Variants in ZNF646 observed in about 807,000 individuals in gnomAD.
The protein encoded by ZNF646 is zinc finger protein 646.
Under a neutral mutation model 115.4 loss-of-function variants are expected in ZNF646, and 49 were observed. The observed-to-expected ratio is 0.42, with a 90% CI of 0.34 to 0.54. The LOEUF (loss-of-function observed/expected upper bound fraction) is 0.54, where lower values mean the gene tolerates loss of function less well. ZNF646 is among the 20% of genes least tolerant of loss of function. The pLI is 0.04. For synonymous variants in ZNF646, 933 were observed against 939.0 expected, an observed-to-expected ratio of 0.99 and a Z score of 0.12; for missense variants, 2,269 against 2,457.9, an observed-to-expected ratio of 0.92 and a Z score of 1.62.
At position 31,076,431 on chromosome 16, in the gene ZNF646, A is replaced by C; in HGVS notation, c.107A>C (p.Gln36Pro). 6.2e-7 allele frequency: 1 copy of C among 1,613,386 alleles called. No homozygotes were observed. The change falls in exon 2 of 3, where the codon CAG (glutamine) becomes CCG (proline). Residue 36 changes from glutamine (Q) to proline (P), a missense_variant. Around this residue, in one of 5 missense-constraint regions of ZNF646, gnomAD observed 334 missense variants for 323.5 expected, o/e 1.03. Coordinates refer to ENST00000300850, the MANE Select transcript of ZNF646 (RefSeq NM_014699.4). Reference sequence around the variant, plus strand: ...GAACTGCTCCATCCATCTCCCAACCAGGACAGTGAGGAGGCTGACAGCATC... The same window carrying C: ...GAACTGCTCCATCCATCTCCCAACCCGGACAGTGAGGAGGCTGACAGCATC... ...HRELLHPSPNQDSEEADSIPR... is the reference protein window; with the variant it reads ...HRELLHPSPNPDSEEADSIPR...
chr16:31,080,460 T>G lies in ZNF646; in HGVS notation c.4136T>G (p.Leu1379Trp). ...CGCAGCTTCCCTGGCCGGGGATCTT[T>G]GGAGCGGCACCTGCGGGAGCATGAG... ...CGRSFPGRGS[L>W]ERHLREHEET... Residue 1379 changes from leucine to tryptophan, a missense_variant, in exon 2 of 3, where the codon TTG becomes TGG. Transcript: ENST00000300850. 3.7e-6 allele frequency: 6 copies of G among 1,613,384 alleles called. No individual in the cohort carries two copies. Among genetic ancestry groups the G allele is most frequent in the South Asian group, 1.1e-5 (1 of 91,084 alleles).
At position 31,081,161 on chromosome 16, in the gene ZNF646, C is replaced by T; in HGVS notation, c.4837C>T (p.Gln1613Ter). 1 of 1,598,690 alleles carries T rather than the reference C, an allele frequency of 6.3e-7. No individual in the cohort carries two copies. Among genetic ancestry groups the T allele is most frequent in the Non-Finnish European group, 8.5e-7 (1 of 1,170,860 alleles). The change falls in exon 2 of 3, where the codon CAG becomes TAG. Residue 1613 changes from glutamine (Q) to a stop codon, truncating the protein, a stop_gained. Transcript: ENST00000300850. LOFTEE classifies it high-confidence loss of function. ...HLQAHARGHS[Q>*]VPAQMEEARD... ...GCAGGCTCATGCCCGGGGCCACAGC[C>T]AGGTGCCAGCCCAGATGGAGGAGGC... is the stretch of plus-strand genomic sequence containing the variant.
In ZNF646 at chr16:31,079,852, T is replaced by G; in HGVS notation, c.3528T>G (p.Thr1176=). The part of the protein sequence containing the change: ...RVKEEVWEET[T]VKGEEIEPRL... ...AAGAAGAGGTGTGGGAGGAGACCAC[T>G]GTGAAGGGGGAGGAGATAGAGCCCA... Residue 1176 remains threonine (T), a synonymous_variant, in exon 2 of 3, where the codon ACT becomes ACG. Coordinates refer to ENST00000300850, the MANE Select transcript of ZNF646 (RefSeq NM_014699.4). The surrounding 1 kb of genome is among the most constrained non-coding windows in gnomAD (Gnocchi z 5.5). 6.2e-7 allele frequency: 1 copy of G among 1,613,208 alleles called. No individual in the cohort carries two copies. The highest frequency in any genetic ancestry group is 8.5e-7 in the Non-Finnish European group (1 of 1,179,554).
Position 31,079,620 on chromosome 16 carries a change from G to A in ZNF646, c.3296G>A (p.Arg1099Gln). ...PNLAAYRNHL[R>Q]NHPRCKGSEP... Reference sequence around the variant, plus strand: ...CTGGCTGCCTACCGTAATCATCTGCGGAACCACCCTCGCTGCAAAGGCTCT... The same window carrying A: ...CTGGCTGCCTACCGTAATCATCTGCAGAACCACCCTCGCTGCAAAGGCTCT... Residue 1099 changes from arginine (R) to glutamine (Q), a missense_variant, in exon 2 of 3, where the codon CGG becomes CAG. Around this residue, in one of 5 missense-constraint regions of ZNF646, gnomAD observed 1,062 missense variants for 1,172.8 expected, o/e 0.91. Coordinates refer to ENST00000300850, the MANE Select transcript of ZNF646 (RefSeq NM_014699.4). This position sits in a 1 kb window ranked among gnomAD's most constrained non-coding sequence, Gnocchi z 5.5. The A allele has an allele frequency of 1.9e-6, 3 of 1,613,348 alleles. No homozygotes were observed. The highest frequency in any genetic ancestry group is 2.5e-6 in the Non-Finnish European group (3 of 1,179,988).
In ZNF646 at chr16:31,081,418, C is replaced by T. The variant is rs1448621608; in HGVS notation, c.5094C>T (p.Ala1698=). 6.2e-7 allele frequency: 1 copy of T among 1,612,634 alleles called. No individual in the cohort carries two copies. Among genetic ancestry groups the T allele is most frequent in the Admixed American group, 1.7e-5 (1 of 59,998 alleles). The change falls in exon 2 of 3, where the codon GCC becomes GCT. Residue 1698 remains alanine, a synonymous_variant. Transcript: ENST00000300850. ...HAGSLLNHQK[A]HTTGLYPCSL... The stretch of plus-strand genomic sequence containing the variant: ...GCAGCCTGCTGAACCACCAGAAGGC[C>T]CACACCACAGGGTTGTACCCGTGCT...
Position 31,078,638 on chromosome 16 carries a change from T to C in ZNF646, c.2314T>C (p.Leu772=), listed in dbSNP as rs1380564405. 1 of 1,614,124 alleles carries C rather than the reference T, an allele frequency of 6.2e-7. No homozygotes were observed. Among genetic ancestry groups the C allele is most frequent in the East Asian group, 2.2e-5 (1 of 44,874 alleles). The stretch of plus-strand genomic sequence containing the variant: ...GAAGGATGCCAGTTTACTTGACAAC[T>C]TGGACATCCCAGGTGAGGAAGGTGG... ...ERKDASLLDN[L]DIPGEEGGGT... is the part of the protein sequence containing the mutation. Residue 772 remains leucine (L), a synonymous_variant, in exon 2 of 3, where the codon TTG becomes CTG. Coordinates refer to ENST00000300850, the MANE Select transcript of ZNF646 (RefSeq NM_014699.4).
Position 31,078,090 on chromosome 16 carries a change from G to T in ZNF646, c.1766G>T (p.Ser589Ile), listed in dbSNP as rs775101207. The T allele has an allele frequency of 5.0e-6, 8 of 1,614,228 alleles. No homozygotes were observed. The East Asian group carries it at 8.9e-5, about 18-fold the overall frequency. The part of the protein sequence containing the change: ...ICGLLFEDAE[S>I]LERHGLTHGA... ...GGGCTGCTCTTTGAAGACGCTGAGA[G>T]CCTTGAACGTCATGGCCTGACTCAT... Residue 589 changes from serine to isoleucine, a missense_variant, in exon 2 of 3, where the codon AGC (serine) becomes ATC (isoleucine). This residue lies in a region of ZNF646 where 852 missense variants were observed against 900.2 expected (regional missense o/e 0.95). Coordinates refer to ENST00000300850, the MANE Select transcript of ZNF646 (RefSeq NM_014699.4).
In ZNF646 at chr16:31,084,104, C is replaced by A; in HGVS notation, c.*1012C>A. 6.4e-7 allele frequency: 1 copy of A among 1,558,886 alleles called. No homozygotes were observed. The highest frequency in any genetic ancestry group is 8.7e-7 in the Non-Finnish European group (1 of 1,152,150). ...GGAGAGGCAGGGTTTGGCAGGAGGC[C>A]CCGGGGCCACATACTTATGTTGGCC... On this transcript the variant is annotated 3_prime_UTR_variant, in exon 3 of 3. Coordinates refer to ENST00000300850, the MANE Select transcript of ZNF646 (RefSeq NM_014699.4).
In ZNF646 at chr16:31,080,803, C is replaced by T; in HGVS notation, c.4479C>T (p.Val1493=). The T allele has an allele frequency of 6.2e-7, 1 of 1,614,118 alleles. No individual in the cohort carries two copies. ...LTRSEEPEDS[V]HRSPCHAGDC... ...GGTCAGAGGAGCCAGAGGACAGTGT[C>T]CACAGGAGTCCTTGCCACGCTGGTG... is the stretch of plus-strand genomic sequence containing the variant. The change falls in exon 2 of 3, where the codon GTC becomes GTT. Residue 1493 remains valine (V), a synonymous_variant. Coordinates refer to ENST00000300850, the MANE Select transcript of ZNF646 (RefSeq NM_014699.4).
At position 31,077,528 on chromosome 16, in the gene ZNF646, C is replaced by T. The variant is rs1212935239; in HGVS notation, c.1204C>T (p.Pro402Ser). 10 of 1,613,470 alleles carry T rather than the reference C, an allele frequency of 6.2e-6. No individual in the cohort carries two copies. The highest frequency in any genetic ancestry group is 1.7e-5 in the Admixed American group (1 of 59,994). ...HRKSHQTGVY[P>S]CSLCSKQLFN... ...AAAGAGCCACCAGACAGGTGTCTACCCCTGCTCACTCTGTTCTAAGCAGCT... is the reference window on the plus strand; with the variant it reads ...AAAGAGCCACCAGACAGGTGTCTACTCCTGCTCACTCTGTTCTAAGCAGCT... The change falls in exon 2 of 3, where the codon CCC becomes TCC. Residue 402 changes from proline (P) to serine (S), a missense_variant. Physicochemically the swap from Pro to Ser is moderately conservative, Grantham distance 74. Transcript: ENST00000300850.
At chr16:31,081,834 C>CT (rs754899047) in intron 2 of ZNF646, 133 bp downstream of exon 2, 1 of 1,372,650 alleles carries the variant, frequency 7.3e-7, no homozygotes, top group East Asian at 2.5e-5. Context: ...GGGGGCTTGG[C>CT]TATGGGGTGA....
chr16:31,083,261 C>G lies in ZNF646; in HGVS notation c.*169C>G. 1 of 1,111,796 alleles carries G rather than the reference C, an allele frequency of 9.0e-7. No homozygotes were observed. The highest frequency in any genetic ancestry group is 1.2e-6 in the Non-Finnish European group (1 of 808,208). 68.9% of individuals were successfully genotyped at this position (1,111,796 alleles called of 1,614,324 possible). A position where few individuals can be genotyped will look rare whatever the true frequency, so the allele number is the denominator to read the frequency against. On this transcript the variant is annotated 3_prime_UTR_variant, in exon 3 of 3. Coordinates refer to ENST00000300850, the MANE Select transcript of ZNF646 (RefSeq NM_014699.4). The stretch of plus-strand genomic sequence containing the variant: ...CCCAAGGAGGGGGTGGGGTGTTCCT[C>G]GCGTCCCTGTCCTTGAAGGACCTCC...
At chr16:31,082,374 TCCAA>T (rs2057174206) in intron 2 of ZNF646, 1 of 174,494 alleles carries the variant, frequency 5.7e-6, no homozygotes. Context: ...CTTTTTAGGA[TCCAA>T]CCAAACCACC....
In ZNF646 at chr16:31,083,450, A is replaced by T; in HGVS notation, c.*358A>T. The T allele has an allele frequency of 7.7e-7, 1 of 1,305,582 alleles. No homozygotes were observed. Among genetic ancestry groups the T allele is most frequent in the Non-Finnish European group, 9.8e-7 (1 of 1,015,886 alleles). The allele number at this position is 1,305,582 out of a possible 1,614,324, so 80.9% of individuals were successfully genotyped here. On this transcript the variant is annotated 3_prime_UTR_variant, in exon 3 of 3. Coordinates refer to ENST00000300850, the MANE Select transcript of ZNF646 (RefSeq NM_014699.4). ...TATTTTCTAAAGTCTATTTTGTAACAATTTATTTAAGTTTAAAAAAAGGAA... is the reference window on the plus strand; with the variant it reads ...TATTTTCTAAAGTCTATTTTGTAACTATTTATTTAAGTTTAAAAAAAGGAA...
chr16:31,076,670 C>T lies in ZNF646; in HGVS notation c.346C>T (p.His116Tyr), dbSNP rs756213912. 1 of 1,613,148 alleles carries T rather than the reference C, an allele frequency of 6.2e-7. No homozygotes were observed. The highest frequency in any genetic ancestry group is 8.5e-7 in the Non-Finnish European group (1 of 1,179,692). The change falls in exon 2 of 3, where the codon CAC becomes TAC. Residue 116 changes from histidine (H) to tyrosine (Y), a missense_variant. Physicochemically the swap from His to Tyr is moderately conservative, Grantham distance 83. Coordinates refer to ENST00000300850, the MANE Select transcript of ZNF646 (RefSeq NM_014699.4). ...CCCACGCCCCAAGGAAGCCACTCCA[C>T]ACCTCCAGGGTGAGACGGTGTCCAC... ...RPPRPKEATP[H>Y]LQGETVSTDS...
chr16:31,079,222 C>T lies in ZNF646; in HGVS notation c.2898C>T (p.Thr966=). The change falls in exon 2 of 3, where the codon ACC becomes ACT. Residue 966 remains threonine, a synonymous_variant. Coordinates refer to ENST00000300850, the MANE Select transcript of ZNF646 (RefSeq NM_014699.4). This position sits in a 1 kb window ranked among gnomAD's most constrained non-coding sequence, Gnocchi z 5.5. ...YGHICGCCGQ[T]YDDLGSLERH... ...ACATCTGTGGCTGCTGTGGTCAGAC[C>T]TACGATGACCTGGGGAGCCTGGAGC... 6.2e-7 allele frequency: 1 copy of T among 1,613,600 alleles called. No individual in the cohort carries two copies. The highest frequency in any genetic ancestry group is 8.5e-7 in the Non-Finnish European group (1 of 1,180,018).
At position 31,080,403 on chromosome 16, in the gene ZNF646, G is replaced by T. The variant is rs769050895; in HGVS notation, c.4079G>T (p.Arg1360Met). The change falls in exon 2 of 3, where the codon AGG (arginine) becomes ATG (methionine). Residue 1360 changes from arginine to methionine, a missense_variant. By Grantham distance (91) the Arg-to-Met change is moderately conservative. This residue lies in a region of ZNF646 where 1,062 missense variants were observed against 1,172.8 expected (regional missense o/e 0.91). Coordinates refer to ENST00000300850, the MANE Select transcript of ZNF646 (RefSeq NM_014699.4). ...CGGCGGCGACGGGCTGGACGGTCCAGGCGCACAGCTGTGCGTTGCGCCCTC... is the reference window on the plus strand; with the variant it reads ...CGGCGGCGACGGGCTGGACGGTCCATGCGCACAGCTGTGCGTTGCGCCCTC... ...ENRRRRAGRS[R>M]RTAVRCALCG... The T allele has an allele frequency of 1.2e-6, 2 of 1,613,162 alleles. No homozygotes were observed. Among genetic ancestry groups the T allele is most frequent in the Non-Finnish European group, 1.7e-6 (2 of 1,179,858 alleles).
rs1423371191 is a variant in ZNF646, at chr16:31,078,970, C to T, written c.2646C>T (p.Leu882=). 7.5e-6 allele frequency: 12 copies of T among 1,608,302 alleles called. No individual in the cohort carries two copies. The highest frequency in any genetic ancestry group is 1.7e-5 in the Admixed American group (1 of 59,892). Residue 882 remains leucine (L), a synonymous_variant, in exon 2 of 3, where the codon CTC becomes CTT. Transcript: ENST00000300850. ...PGEATSAQPF[L]CCLCGMIFPG... ...AGGCGACCTCAGCACAGCCTTTCCTCTGCTGCCTCTGTGGCATGATCTTCC... is the reference window on the plus strand; with the variant it reads ...AGGCGACCTCAGCACAGCCTTTCCTTTGCTGCCTCTGTGGCATGATCTTCC...
Position 31,076,642 on chromosome 16 carries a change from G to A in ZNF646, c.318G>A (p.Arg106=). 1.2e-6 allele frequency: 2 copies of A among 1,612,704 alleles called. No individual in the cohort carries two copies. Among genetic ancestry groups the A allele is most frequent in the South Asian group, 1.1e-5 (1 of 91,064 alleles). Residue 106 remains arginine (R), a synonymous_variant, in exon 2 of 3, where the codon AGG becomes AGA. Coordinates refer to ENST00000300850, the MANE Select transcript of ZNF646 (RefSeq NM_014699.4). ...THAPEGRRRH[R]PPRPKEATPH... ...CTCCTGAGGGCCGCCGCAGGCACAG[G>A]CCCCCACGCCCCAAGGAAGCCACTC...
Sources: gnomAD v4.1 joint callset for allele counts on GRCh38, gnomAD v4.1.1 for gene constraint, gnomAD v4.1.1 regional missense constraint, Gnocchi (gnomAD v3.1) non-coding constraint, MANE v1.5 for transcripts, NCBI Gene and HGNC (gene_info 2026-07-23, HGNC 2026-07-21) for gene names.